Variants in ARHGEF18 observed in about 807,000 individuals in gnomAD.
The protein encoded by ARHGEF18 is rho guanine nucleotide exchange factor 18.
ARHGEF18 carries 93 observed loss-of-function variants against 155.7 expected under a neutral mutation model. The ratio of observed to expected loss-of-function variants is 0.60; its 90% CI spans 0.50 to 0.71. The LOEUF (loss-of-function observed/expected upper bound fraction) is 0.71. Ranked by LOEUF, ARHGEF18 falls within the 30% of genes least tolerant of loss-of-function variation. The pLI is 0.00. For synonymous variants in ARHGEF18, 742 were observed against 753.1 expected (o/e 0.99, Z 0.24); for missense variants, 1,593 against 1,816.1 (o/e 0.88, Z 2.23).
chr19:7,464,127 T>C (rs1976466872), intron 22 of ARHGEF18, among the ~76,000 whole-genome samples, 172 bp downstream of exon 22: 1 of 152,170 alleles, frequency 6.6e-6, no homozygotes, highest in South Asian at 2.1e-4. Context: ...AACCTCTGCC[T>C]CCTGGGTTCA....
At chr19:7,451,330 C>G (rs1253728812) in intron 16 of ARHGEF18, 64 bp downstream of exon 16, 1 of 1,385,330 alleles carries the variant, frequency 7.2e-7, no homozygotes, top group Non-Finnish European at 1.0e-6. Flanking sequence ...TCTCCGTGTA[C>G]CCACTCCCTA....
At chr19:7,364,235 G>A (rs1359584229) in intron 2 of ARHGEF18, among the ~76,000 whole-genome samples, 5 of 150,102 alleles carry the variant, frequency 3.3e-5, no homozygotes. Context: ...TAAGGAAGAT[G>A]GATGGATGGG....
Position 7,383,138 on chromosome 19 carries a change from T to A in ARHGEF18, c.902T>A (p.Leu301Gln). 1.6e-6 allele frequency: 2 copies of A among 1,232,250 alleles called. No homozygotes were observed. Among genetic ancestry groups the A allele is most frequent in the South Asian group, 8.2e-5 (2 of 24,312 alleles). The allele number at this position is 1,232,250 out of a possible 1,614,324, so 76.3% of individuals were successfully genotyped here. Residue 301 changes from leucine to glutamine, a missense_variant, in exon 10 of 29, where the codon CTG becomes CAG. Leu to Gln is a moderately radical substitution (Grantham distance 113, BLOSUM62 -2). Transcript: ENST00000668164. The part of the protein sequence containing the change: ...ERRECVNGHQ[L>Q]LQGTFSGPSS... ...CGGGAGTGTGTCAATGGGCACCAGC[T>A]GTTGCAAGGGACCTTCTCCGGCCCC...
At chr19:7,399,192 A>G (rs1295363916) in intron 10 of ARHGEF18, among the ~76,000 whole-genome samples, 1 of 152,142 alleles carries the variant, frequency 6.6e-6, no homozygotes, top group Non-Finnish European at 1.5e-5. Context: ...TCTAGGTGCA[A>G]AACAGCACCA....
chr19:7,352,158 C>T (rs1029318108), intron 1 of ARHGEF18, among the ~76,000 whole-genome samples: 7 of 151,952 alleles, frequency 4.6e-5, no homozygotes, highest in Admixed American at 3.3e-4. Flanking sequence ...ATTTGTGTCT[C>T]TTTATGGTGT....
chr19:7,413,446 C>T (rs569054202), intron 10 of ARHGEF18, among the ~76,000 whole-genome samples: 7 of 151,974 alleles, frequency 4.6e-5, no homozygotes, highest in African/African-American at 9.7e-5. Flanking sequence ...GGACTACAGG[C>T]GCCCGCCACC....
intron 6 of ARHGEF18, 50 bp from the exon 7 acceptor site, chr19:7,379,070 CTG>C: frequency 1.6e-6 from 2 of 1,228,752 alleles, no homozygotes; most frequent in African/African-American, 1.6e-5. Context: ...GGGAGAGTGT[CTG>C]TAACCTGGAG....
chr19:7,393,047 CAAAA>C (rs60015151), intron 10 of ARHGEF18, among the ~76,000 whole-genome samples: 4 of 56,670 alleles, frequency 7.1e-5, no homozygotes, highest in South Asian at 1.1e-3. Context: ...GATCCTGTCT[CAAAA>C]AAAAAAAAAA....
At position 7,462,187 on chromosome 19, in the gene ARHGEF18, A is replaced by C; in HGVS notation, c.2488A>C (p.Ser830Arg). 6.2e-7 allele frequency: 1 copy of C among 1,613,990 alleles called. No individual in the cohort carries two copies. The highest frequency in any genetic ancestry group is 1.1e-5 in the South Asian group (1 of 91,084). The change falls in exon 21 of 29, where the codon AGC (serine) becomes CGC (arginine). Residue 830 changes from serine to arginine, a missense_variant. Transcript: ENST00000668164. This position sits in a 1 kb window ranked among gnomAD's most constrained non-coding sequence, Gnocchi z 4.4. ...LSMKDQLIAQ[S>R]LLEKQQIYLE... is the part of the protein sequence containing the mutation. ...CATGAAAGACCAGCTGATCGCACAG[A>C]GCCTCCTAGAGAAACAGCAGATCTA... is the stretch of plus-strand genomic sequence containing the variant.
chr19:7,364,958 G>A (rs574281234), intron 2 of ARHGEF18, among the ~76,000 whole-genome samples: 1 of 152,262 alleles, frequency 6.6e-6, no homozygotes, highest in South Asian at 2.1e-4. Flanking sequence ...GCCCAGGAAG[G>A]GGGCTGAGAA....
rs1056257532 is a variant in ARHGEF18, at chr19:7,450,078, A to G, written c.1738-1071A>G. Among the ~76,000 whole-genome samples the G allele has an allele frequency of 3.3e-5, 5 of 151,602 alleles. No homozygotes were observed. The East Asian group carries it at 9.7e-4, about 29-fold the overall frequency. On this transcript the variant is annotated intron_variant, in intron 15 of 28. Coordinates refer to ENST00000668164, the MANE Select transcript of ARHGEF18 (RefSeq NM_001367823.1). ...AGGAAAGGTCCTGGTGAGCTGAGAA[A>G]GGAAGGAGCCCCCAGCCTTGGCAGC...
At position 7,447,098 on chromosome 19, in the gene ARHGEF18, G is replaced by A; in HGVS notation, c.1667G>A (p.Gly556Asp). The change falls in exon 15 of 29, where the codon GGC (glycine) becomes GAC (aspartate). Residue 556 changes from glycine to aspartate, a missense_variant. Coordinates refer to ENST00000668164, the MANE Select transcript of ARHGEF18 (RefSeq NM_001367823.1). ...MKEKYGVFCS[G>D]HNEAVSHYKL... ...GAAAAGTACGGTGTGTTTTGTAGTGGCCACAATGAAGCTGTTAGTCATTAC... is the reference window on the plus strand; with the variant it reads ...GAAAAGTACGGTGTGTTTTGTAGTGACCACAATGAAGCTGTTAGTCATTAC... 1.2e-6 allele frequency: 2 copies of A among 1,613,782 alleles called. No homozygotes were observed. The highest frequency in any genetic ancestry group is 2.2e-5 in the East Asian group (1 of 44,880).
intron 1 of ARHGEF18, among the ~76,000 whole-genome samples, chr19:7,354,170 A>T (rs767449514): frequency 2.0e-5 from 3 of 151,530 alleles, no homozygotes; most frequent in Admixed American, 6.6e-5. Context: ...TAAAAAAAAT[A>T]GCCAAGTGTG....
chr19:7,420,858 AG>A (rs1773212229), intron 10 of ARHGEF18, among the ~76,000 whole-genome samples: 1 of 152,174 alleles, frequency 6.6e-6, no homozygotes, highest in South Asian at 2.1e-4. Context: ...CAAACCTAAG[AG>A]TCTTAAGACT....
At chr19:7,372,639 T>G (rs2145401686) in intron 2 of ARHGEF18, among the ~76,000 whole-genome samples, 173 bp from the exon 3 acceptor site, 1 of 152,196 alleles carries the variant, frequency 6.6e-6, no homozygotes, top group Non-Finnish European at 1.5e-5. Flanking sequence ...GGGGGACTAC[T>G]CCCTCCCATT....
rs965327172 is a variant in ARHGEF18, at chr19:7,407,082, A to G, written c.967+23879A>G. On this transcript the variant is annotated intron_variant, in intron 10 of 28. Coordinates refer to ENST00000668164, the MANE Select transcript of ARHGEF18 (RefSeq NM_001367823.1). ...TCCGTCTCAAAAAAAAAAAAAAAAAAAGGTTATAGCCATCATACTCAGGAT... is the reference window on the plus strand; with the variant it reads ...TCCGTCTCAAAAAAAAAAAAAAAAAGAGGTTATAGCCATCATACTCAGGAT... Among the ~76,000 whole-genome samples the G allele has an allele frequency of 5.6e-4, 84 of 150,374 alleles. 1 individual carries two copies. Among genetic ancestry groups the G allele is most frequent in the Admixed American group, 2.9e-3 (43 of 14,992 alleles).
chr19:7,457,548 A>C (rs554849167), intron 18 of ARHGEF18, among the ~76,000 whole-genome samples: 80 of 151,388 alleles, frequency 5.3e-4, no homozygotes, highest in Non-Finnish European at 1.0e-3. Context: ...TTTTTAGTAG[A>C]GATGGGGTTT....
intron 26 of ARHGEF18, among the ~76,000 whole-genome samples, chr19:7,468,619 C>T (rs1336414703): frequency 6.6e-6 from 1 of 152,216 alleles, no homozygotes; most frequent in African/African-American, 2.4e-5. Context: ...GAGTGTGTGA[C>T]AGTATGGGTG....
intron 10 of ARHGEF18, among the ~76,000 whole-genome samples, chr19:7,403,508 C>T (rs547972274): frequency 2.6e-5 from 4 of 151,352 alleles, no homozygotes; most frequent in African/African-American, 9.7e-5. Flanking sequence ...GGTTCATTTA[C>T]GTTGTTGCCT....
Sources: allele counts gnomAD v4.1 joint callset (sites outside exome capture counted in the v4.1 genomes callset), GRCh38; gene constraint gnomAD v4.1.1; non-coding constraint Gnocchi (gnomAD v3.1); transcripts MANE v1.5; gene names NCBI Gene and HGNC (gene_info 2026-07-23, HGNC 2026-07-21).